Variants in FER observed in about 807,000 individuals in gnomAD.
The protein encoded by FER is FER tyrosine kinase, also known as tyrosine-protein kinase Fer.
A neutral mutation model predicts 111.0 loss-of-function variants in FER; 63 were observed. That is an observed-to-expected ratio of 0.57 (90% CI 0.46 to 0.70). The LOEUF (loss-of-function observed/expected upper bound fraction) is 0.70. FER is among the 30% of genes least tolerant of loss of function. The pLI is 0.00. For missense variants in FER, 914 were observed against 954.0 expected, an observed-to-expected ratio of 0.96 and a Z score of 0.55; for synonymous variants, 327 against 313.9, an observed-to-expected ratio of 1.04 and a Z score of -0.44.
chr5:109,090,322 C>T (rs1392597221), intron 16 of FER, among the ~76,000 whole-genome samples: 2 of 152,116 alleles, frequency 1.3e-5, no homozygotes, highest in African/African-American at 4.8e-5. Flanking sequence ...CAGAGATTCC[C>T]CAAATATCTA....
At chr5:108,954,626 G>A (rs1398661215) in intron 11 of FER, 103 bp from the exon 12 acceptor site, 4 of 867,054 alleles carry the variant, frequency 4.6e-6, no homozygotes, top group Non-Finnish European at 3.4e-6. Context: ...GTCAATTAAA[G>A]GGAGGAACAT....
At chr5:108,979,032 T>C (rs1761731921) in intron 13 of FER, among the ~76,000 whole-genome samples, 2 of 152,208 alleles carry the variant, frequency 1.3e-5, no homozygotes, top group South Asian at 2.1e-4. Flanking sequence ...AGCTTATTTG[T>C]ATTATTCTCA....
At chr5:108,919,953 A>T (rs1752808626) in intron 10 of FER, among the ~76,000 whole-genome samples, 1 of 152,190 alleles carries the variant, frequency 6.6e-6, no homozygotes, top group Non-Finnish European at 1.5e-5. Flanking sequence ...GTTACGTGAA[A>T]TAATGCTTGC....
rs560267543 is a variant in FER at position 109,190,745 on chromosome 5, T to G, written c.*3170T>G. On this transcript the variant is annotated 3_prime_UTR_variant, in exon 20 of 20. Transcript: ENST00000281092. ...AGGTCTCATGTAATTGTTTCTCTTT[T>G]ATCTCCCAAATTTAATGTGGGCAAT... 1.3e-5 allele frequency: 2 copies of G among 152,174 alleles called. No homozygotes were observed. The highest frequency in any genetic ancestry group is 4.8e-5 in the African/African-American group (2 of 41,452). The allele number at this position is 152,174 out of a possible 1,614,324, so 9.4% of individuals were successfully genotyped here. A position where few individuals can be genotyped will look rare whatever the true frequency, so the allele number is the denominator to read the frequency against.
chr5:108,852,954 A>G (rs1415942249), intron 5 of FER, among the ~76,000 whole-genome samples: 1 of 152,136 alleles, frequency 6.6e-6, no homozygotes, highest in Non-Finnish European at 1.5e-5. Flanking sequence ...TACTTCCTAA[A>G]TTTGTCCATA....
chr5:108,766,113 G>A (rs994234714), intron 1 of FER, among the ~76,000 whole-genome samples: 2 of 151,946 alleles, frequency 1.3e-5, no homozygotes, highest in Non-Finnish European at 2.9e-5. Flanking sequence ...TAATTTTTTT[G>A]TAGAGACGGG....
intron 13 of FER, among the ~76,000 whole-genome samples, chr5:109,001,408 A>G (rs2149780702): frequency 6.6e-6 from 1 of 152,352 alleles, no homozygotes; most frequent in East Asian, 1.9e-4. Context: ...ATAGATGCAG[A>G]AAAGGCCTTT....
rs139477306 is a variant in FER, at chr5:109,065,980, G to A, written c.1924+18782G>A. On this transcript the variant is annotated intron_variant, in intron 16 of 19. Transcript: ENST00000281092. ...AACATGATCACATTTGATAATATCC[G>A]CATTCAAAATGAAAGATTTTGTATA... Among the ~76,000 whole-genome samples the A allele has an allele frequency of 9.9e-4, 150 of 152,214 alleles. 3 individuals carry two copies. Among genetic ancestry groups the A allele is most frequent in the Non-Finnish European group, 1.7e-3 (113 of 68,000 alleles).
In FER at chr5:109,058,728, T is replaced by C. The variant is rs567182712; in HGVS notation, c.1924+11530T>C. 3.0e-4 allele frequency among the ~76,000 whole-genome samples: 32 copies of C among 104,996 alleles called. No individual in the cohort carries two copies. The South Asian group carries it at 4.6e-3, about 15-fold the overall frequency. 68.9% of individuals were successfully genotyped at this position (104,996 alleles called of 152,430 possible). On this transcript the variant is annotated intron_variant, in intron 16 of 19. Transcript: ENST00000281092. ...TTTCTTTTTCTTTCTTTCTTTCTTT[T>C]TTTTTTTTTTTTTTTTTTTTTTGAG...
At chr5:109,077,405 A>C (rs1776467959) in intron 16 of FER, among the ~76,000 whole-genome samples, 2 of 152,156 alleles carry the variant, frequency 1.3e-5, no homozygotes. Context: ...AAGGTAACAT[A>C]ATTGTTAATA....
chr5:109,096,277 A>C (rs548378667), intron 16 of FER, among the ~76,000 whole-genome samples: 371 of 152,158 alleles, frequency 2.4e-3, no homozygotes, highest in Non-Finnish European at 3.9e-3. Flanking sequence ...TACTTGTTTC[A>C]GATATTTAAT....
intron 4 of FER, among the ~76,000 whole-genome samples, chr5:108,833,481 C>T (rs1760261202): frequency 1.6e-5 from 2 of 128,428 alleles, no homozygotes; most frequent in African/African-American, 7.8e-5. Flanking sequence ...TTTCTATACT[C>T]CTACCCACTT....
At chr5:108,830,776 A>G (rs1028768242) in intron 3 of FER, 11 of 152,222 alleles carry the variant, frequency 7.2e-5, no homozygotes, top group African/African-American at 2.7e-4. Context: ...CTCAGATTCA[A>G]AGGAGCTGGG....
intron 17 of FER, among the ~76,000 whole-genome samples, chr5:109,173,607 C>T (rs1757363213): frequency 6.6e-6 from 1 of 152,200 alleles, no homozygotes; most frequent in African/African-American, 2.4e-5. Flanking sequence ...ATGCCTCACC[C>T]AGGCCTGCTC....
At chr5:109,090,594 C>T (rs1778060115) in intron 16 of FER, among the ~76,000 whole-genome samples, 1 of 151,874 alleles carries the variant, frequency 6.6e-6, no homozygotes, top group African/African-American at 2.4e-5. Flanking sequence ...ACAAAAAAAT[C>T]AGGAAAACAA....
chr5:108,886,432 TAACATACATA>T (rs1207677534), intron 9 of FER, among the ~76,000 whole-genome samples: 2 of 148,838 alleles, frequency 1.3e-5, no homozygotes, highest in Non-Finnish European at 3.0e-5. Flanking sequence ...ATATTATATA[TAACATACATA>T]AACATATATG....
intron 16 of FER, among the ~76,000 whole-genome samples, chr5:109,067,188 C>T (rs1292977364): frequency 2.6e-5 from 4 of 152,010 alleles, no homozygotes; most frequent in Non-Finnish European, 5.9e-5. Flanking sequence ...ATTTTATTTG[C>T]CATACAGTCA....
At position 108,800,481 on chromosome 5, in the gene FER, G is replaced by A. The variant is rs532635497; in HGVS notation, c.207+2092G>A. Among the ~76,000 whole-genome samples the A allele has an allele frequency of 1.1e-3, 165 of 152,074 alleles. 2 individuals are homozygous for A. Among genetic ancestry groups the A allele is most frequent in the Admixed American group, 1.8e-3 (27 of 15,260 alleles). ...TCCTTCCACCTCAGCTTTCTAGGGA[G>A]CTGGGACTATAGGCATGCGCCACCA... On this transcript the variant is annotated intron_variant, in intron 3 of 19. Transcript: ENST00000281092.
intron 2 of FER, among the ~76,000 whole-genome samples, chr5:108,770,583 T>C (rs995803713): frequency 6.6e-6 from 1 of 152,112 alleles, no homozygotes; most frequent in Non-Finnish European, 1.5e-5. Context: ...AGTTTTGTTA[T>C]GTTGTGCAGG....
Sources: allele counts gnomAD v4.1 joint callset (sites outside exome capture counted in the v4.1 genomes callset), GRCh38; gene constraint gnomAD v4.1.1; transcripts MANE v1.5; gene names NCBI Gene and HGNC (gene_info 2026-07-23, HGNC 2026-07-21).